Variants in KLRD1 observed in about 807,000 individuals in gnomAD.
KLRD1 encodes natural killer cells antigen CD94.
KLRD1 carries 21 observed loss-of-function variants against 22.6 expected under a neutral mutation model. That is an observed-to-expected ratio of 0.93 (90% CI 0.66 to 1.34). The LOEUF (loss-of-function observed/expected upper bound fraction) is 1.34, where lower values mean the gene tolerates loss of function less well. KLRD1 is among the 40% of genes most tolerant of loss of function. The probability of loss-of-function intolerance (pLI) is 0.00; values close to 1 mark genes in which losing one functional copy is unlikely to be tolerated. For synonymous variants in KLRD1, 59 were observed against 71.1 expected, an observed-to-expected ratio of 0.83 and a Z score of 0.85; for missense variants, 183 against 208.6, an observed-to-expected ratio of 0.88 and a Z score of 0.76.
chr12:10,272,927 T>C (rs923205800), intron 1 of KLRD1, among the ~76,000 whole-genome samples: 90 of 152,176 alleles, frequency 5.9e-4, no homozygotes, highest in African/African-American at 2.1e-3. Context: ...AATAACGTAA[T>C]ATAAATAAAT....
chr12:10,270,332 T>G (rs1015556550), intron 1 of KLRD1, among the ~76,000 whole-genome samples: 1 of 152,182 alleles, frequency 6.6e-6, no homozygotes, highest in Admixed American at 6.5e-5. Flanking sequence ...ATTAAAAAAT[T>G]AATGAAGTTG....
rs891882024 is a variant in KLRD1 at position 10,316,628 on chromosome 12, C to G, written c.*1835C>G. On this transcript the variant is annotated 3_prime_UTR_variant, in exon 6 of 6. Coordinates refer to ENST00000336164, the MANE Select transcript of KLRD1 (RefSeq NM_002262.5). Reference sequence around the variant, plus strand: ...TTGTTGCCCAGGCTGATCTTGAACTCCTGGGGTCAAGGATTCTGCCCGCCT... The same window carrying G: ...TTGTTGCCCAGGCTGATCTTGAACTGCTGGGGTCAAGGATTCTGCCCGCCT... 20 of 152,156 alleles carry G rather than the reference C, an allele frequency of 1.3e-4. No homozygotes were observed. Among genetic ancestry groups the G allele is most frequent in the African/African-American group, 4.8e-4 (20 of 41,414 alleles). The allele number at this position is 152,156 out of a possible 1,614,324, so 9.4% of individuals were successfully genotyped here.
chr12:10,319,195 T>C lies in KLRD1; in HGVS notation c.*4402T>C, dbSNP rs568060101. The C allele has an allele frequency of 1.3e-5, 2 of 152,352 alleles. No homozygotes were observed. Among genetic ancestry groups the C allele is most frequent in the South Asian group, 4.1e-4 (2 of 4,830 alleles). 9.4% of individuals were successfully genotyped at this position (152,352 alleles called of 1,614,324 possible). A position where few individuals can be genotyped will look rare whatever the true frequency, so the allele number is the denominator to read the frequency against. Reference sequence around the variant, plus strand: ...CCACAGGCCATAGTTTGCCAACATGTGCCCAAGTATGTAAGATGAGAATAT... The same window carrying C: ...CCACAGGCCATAGTTTGCCAACATGCGCCCAAGTATGTAAGATGAGAATAT... On this transcript the variant is annotated 3_prime_UTR_variant, in exon 6 of 6. Coordinates refer to ENST00000336164, the MANE Select transcript of KLRD1 (RefSeq NM_002262.5).
chr12:10,329,302 C>T lies in KLRD1; in HGVS notation c.*14509C>T, dbSNP rs1049667885. 2 of 152,112 alleles carry T rather than the reference C, an allele frequency of 1.3e-5. No homozygotes were observed. Among genetic ancestry groups the T allele is most frequent in the African/African-American group, 4.8e-5 (2 of 41,430 alleles). 9.4% of individuals were successfully genotyped at this position (152,112 alleles called of 1,614,324 possible). A position where few individuals can be genotyped will look rare whatever the true frequency, so the allele number is the denominator to read the frequency against. On this transcript the variant is annotated 3_prime_UTR_variant, in exon 6 of 6. Coordinates refer to ENST00000336164, the MANE Select transcript of KLRD1 (RefSeq NM_002262.5). ...TCAAAAATGTATTGTTAAATTATCA[C>T]ATATTTATTAGTTTTCCTTTTGCAA...
At chr12:10,251,655 A>C (rs1592025809) in intron 1 of KLRD1, among the ~76,000 whole-genome samples, 1 of 152,058 alleles carries the variant, frequency 6.6e-6, no homozygotes, top group South Asian at 2.1e-4. Flanking sequence ...CGTAATGTAG[A>C]ATCAGTGGGA....
chr12:10,302,839 A>G (rs1451615273), upstream of KLRD1, among the ~76,000 whole-genome samples: 2 of 152,112 alleles, frequency 1.3e-5, no homozygotes, highest in African/African-American at 2.4e-5. Flanking sequence ...TGGGAAGGTC[A>G]CTAGACACAT....
At position 10,251,168 on chromosome 12, in the gene KLRD1, A is replaced by G. The variant is rs143427943; in HGVS notation, c.-101+24935A>G. 4.0e-3 allele frequency among the ~76,000 whole-genome samples: 602 copies of G among 152,220 alleles called. 6 individuals carry two copies. The highest frequency in any genetic ancestry group is 0.013 in the African/African-American group (548 of 41,510). On this transcript the variant is annotated intron_variant, in intron 1 of 5. Coordinates refer to the KLRD1 transcript ENST00000544747. ...GAGATGGGGTCTCACTCTGTTGCCC[A>G]GGCTGGAGTGCAGTGGTGCGATCCT...
rs1190421253 is a variant in KLRD1, at chr12:10,326,365, A to G, written c.*11572A>G. The G allele has an allele frequency of 6.6e-6, 1 of 152,230 alleles. No individual in the cohort carries two copies. Among genetic ancestry groups the G allele is most frequent in the African/African-American group, 2.4e-5 (1 of 41,458 alleles). 9.4% of individuals were successfully genotyped at this position (152,230 alleles called of 1,614,324 possible). A position where few individuals can be genotyped will look rare whatever the true frequency, so the allele number is the denominator to read the frequency against. ...TTGCAAAGGTTGAGAACATATGCCC[A>G]TAACACAGCCTCACCTCAGGAGGTC... On this transcript the variant is annotated 3_prime_UTR_variant, in exon 6 of 6. Transcript: ENST00000336164.
chr12:10,276,452 G>C (rs1030970843), intron 1 of KLRD1, among the ~76,000 whole-genome samples: 1 of 152,144 alleles, frequency 6.6e-6, no homozygotes, highest in Non-Finnish European at 1.5e-5. Context: ...TCCTGTAAGA[G>C]AGATGGTTTA....
At chr12:10,309,145 C>T in intron 1 of KLRD1, 1 of 344,708 alleles carries the variant, frequency 2.9e-6, no homozygotes. Flanking sequence ...ATTCACTTTA[C>T]TGCAACAGAG....
At chr12:10,246,795 C>T (rs1303421905) in intron 1 of KLRD1, among the ~76,000 whole-genome samples, 3 of 152,066 alleles carry the variant, frequency 2.0e-5, no homozygotes, top group Non-Finnish European at 4.4e-5. Flanking sequence ...TTAGATATTT[C>T]ACATCTGTTA....
chr12:10,286,257 C>G (rs1387808867), intron 1 of KLRD1, among the ~76,000 whole-genome samples: 1 of 152,122 alleles, frequency 6.6e-6, no homozygotes, highest in Non-Finnish European at 1.5e-5. Flanking sequence ...CCGGAGATTT[C>G]CGTGAAAGCT....
chr12:10,282,524 T>G (rs1342562046), intron 1 of KLRD1, among the ~76,000 whole-genome samples: 1 of 152,174 alleles, frequency 6.6e-6, no homozygotes, highest in Admixed American at 6.5e-5. Flanking sequence ...CCCAAAGTGC[T>G]GGGATTACAG....
At chr12:10,300,040 T>C (rs1442941534), upstream of KLRD1, among the ~76,000 whole-genome samples, 2 of 152,216 alleles carry the variant, frequency 1.3e-5, no homozygotes, top group Non-Finnish European at 2.9e-5. Flanking sequence ...CTGCAGTTAC[T>C]TCCTCCACTG....
At chr12:10,294,186 T>A (rs1334129542) in intron 1 of KLRD1, among the ~76,000 whole-genome samples, 1 of 152,228 alleles carries the variant, frequency 6.6e-6, no homozygotes, top group Non-Finnish European at 1.5e-5. Flanking sequence ...CAAATATGTG[T>A]TCTTTACTCT....
rs1255998137 is a variant in KLRD1, at chr12:10,319,497, T to C, written c.*4704T>C. ...GACCAATGAAATAAAGTGGAAATGA[T>C]GATATTTCATTTCTGAGAATAGGTC... On this transcript the variant is annotated 3_prime_UTR_variant, in exon 6 of 6. Transcript: ENST00000336164. The C allele has an allele frequency of 6.6e-6, 1 of 152,210 alleles. No individual in the cohort carries two copies. The highest frequency in any genetic ancestry group is 2.4e-5 in the African/African-American group (1 of 41,464). 9.4% of individuals were successfully genotyped at this position (152,210 alleles called of 1,614,324 possible).
intron 1 of KLRD1, 140 bp from the exon 2 acceptor site, chr12:10,309,248 T>A: frequency 3.5e-6 from 2 of 572,408 alleles, no homozygotes; most frequent in Non-Finnish European, 6.3e-6. Context: ...GATTGGAAAG[T>A]CTTCAGTGTT....
intron 1 of KLRD1, among the ~76,000 whole-genome samples, chr12:10,258,189 A>G (rs1278308857): frequency 6.6e-6 from 1 of 152,152 alleles, no homozygotes; most frequent in African/African-American, 2.4e-5. Flanking sequence ...TATGAGTCCA[A>G]AGGAAACAGA....
At chr12:10,311,663 A>C (rs750387104) in intron 4 of KLRD1, 48 bp downstream of exon 4, 3 of 1,578,388 alleles carry the variant, frequency 1.9e-6, no homozygotes, top group Non-Finnish European at 2.6e-6. Flanking sequence ...CTAGAAAAAT[A>C]TACTATCTAA....
Sources: allele counts gnomAD v4.1 joint callset (sites outside exome capture counted in the v4.1 genomes callset), GRCh38; gene constraint gnomAD v4.1.1; transcripts MANE v1.5; gene names NCBI Gene and HGNC (gene_info 2026-07-23, HGNC 2026-07-21).